UBE4B: variants seen among roughly 807,000 people sequenced by gnomAD.
UBE4B encodes ubiquitination factor E4B.
UBE4B carries 27 observed loss-of-function variants against 148.1 expected under a neutral mutation model. The observed-to-expected ratio is 0.18, with a 90% confidence interval of 0.13 to 0.25. The LOEUF is 0.25. Among genes scored for constraint, UBE4B ranks in the 10% least tolerant of loss-of-function variants. The pLI, the probability that UBE4B is intolerant of heterozygous loss-of-function variation, is 1.00. For missense variants in UBE4B, 1,170 were observed against 1,662.4 expected (o/e 0.70, Z 5.15); for synonymous variants, 596 against 619.3 (o/e 0.96, Z 0.56).
intron 21 of UBE4B, among the ~76,000 whole-genome samples, chr1:10,155,685 C>T (rs968683743): frequency 6.6e-6 from 1 of 152,224 alleles, no homozygotes; most frequent in Non-Finnish European, 1.5e-5. Context: ...GTATGTGGAA[C>T]AAGCTCCTCT....
Position 10,105,678 on chromosome 1 carries a change from G to T in UBE4B, c.743G>T (p.Gly248Val). 6.2e-7 allele frequency: 1 copy of T among 1,614,172 alleles called. No homozygotes were observed. The highest frequency in any genetic ancestry group is 8.5e-7 in the Non-Finnish European group (1 of 1,180,038). ...SPDRNLLLNT[G>V]SNPGTSPMFC... The stretch of plus-strand genomic sequence containing the variant: ...GACAGAAATCTCTTGCTAAACACTG[G>T]CTCCAATCCAGGAACAAGCCCCATG... Residue 248 changes from glycine to valine, a missense_variant, in exon 6 of 28, where the codon GGC becomes GTC. By Grantham distance (109) the Gly-to-Val change is moderately radical. Transcript: ENST00000343090.
chr1:10,076,603 A>C (rs769002464), intron 2 of UBE4B, among the ~76,000 whole-genome samples: 1 of 151,698 alleles, frequency 6.6e-6, no homozygotes, highest in African/African-American at 2.4e-5. Context: ...AAAGTCCTTC[A>C]TCCAGGAGTG....
At chr1:10,084,317 G>A (rs774680527) in intron 2 of UBE4B, among the ~76,000 whole-genome samples, 1 of 152,154 alleles carries the variant, frequency 6.6e-6, no homozygotes. Context: ...AGCCTTCCTC[G>A]TCTCCTTATT....
At chr1:10,110,413 T>G (rs1451770909) in intron 7 of UBE4B, among the ~76,000 whole-genome samples, 1 of 152,212 alleles carries the variant, frequency 6.6e-6, no homozygotes, top group Non-Finnish European at 1.5e-5. Flanking sequence ...AAAAGATAAC[T>G]GTTGGGTGGT....
At position 10,127,281 on chromosome 1, in the gene UBE4B, T is replaced by G. The variant is rs1437785685; in HGVS notation, c.1638+404T>G. 2.0e-5 allele frequency among the ~76,000 whole-genome samples: 3 copies of G among 152,180 alleles called. No individual in the cohort carries two copies. The East Asian group carries it at 5.8e-4, about 29-fold the overall frequency. ...TAAGAAAATGAATACAATTTTATCTTTATGTGTTTACTTTGTGCAGAAAAT... is the reference window on the plus strand; with the variant it reads ...TAAGAAAATGAATACAATTTTATCTGTATGTGTTTACTTTGTGCAGAAAAT... On this transcript the variant is annotated intron_variant, in intron 11 of 27. Coordinates refer to ENST00000343090, the MANE Select transcript of UBE4B (RefSeq NM_001105562.3).
intron 1 of UBE4B, among the ~76,000 whole-genome samples, chr1:10,038,028 C>T (rs1223340777): frequency 1.3e-5 from 2 of 152,054 alleles, no homozygotes; most frequent in Non-Finnish European, 2.9e-5. Context: ...CGCCTGTAAT[C>T]CCAGCGCTTT....
rs1646482568 is a variant in UBE4B, at chr1:10,179,947, CGA to C, written c.3901_3902del (p.Asp1301SerfsTer51). The C allele has an allele frequency of 6.2e-7, 1 of 1,614,104 alleles. No homozygotes were observed. The highest frequency in any genetic ancestry group is 1.3e-5 in the African/African-American group (1 of 75,030). ...QAWMREKQNS[D>X]H ...CGTGGATGAGAGAGAAACAGAACAG[CGA>C]TCACTAAACCGTTCCGCCGCCCACC... On this transcript the variant is annotated frameshift_variant, in exon 28 of 28. Transcript: ENST00000343090. LOFTEE classifies it high-confidence loss of function.
chr1:10,117,333 C>A, intron 7 of UBE4B, 126 bp from the exon 8 acceptor site: 1 of 1,218,922 alleles, frequency 8.2e-7, no homozygotes, highest in Non-Finnish European at 1.1e-6. Context: ...TGGATCTTGG[C>A]CGCATGGGTG....
intron 1 of UBE4B, among the ~76,000 whole-genome samples, chr1:10,045,669 G>A (rs866991850): frequency 1.8e-4 from 28 of 152,276 alleles, no homozygotes; most frequent in African/African-American, 6.5e-4. Flanking sequence ...TAGATAAGGA[G>A]GAAAGAGCAA....
chr1:10,122,543 T>C (rs1369070357), intron 10 of UBE4B, among the ~76,000 whole-genome samples: 1 of 152,230 alleles, frequency 6.6e-6, no homozygotes, highest in Admixed American at 6.5e-5. Context: ...ATGTCTCATA[T>C]CTTCCTAATT....
rs1289548666 is a variant in UBE4B, at chr1:10,093,667, G to A, written c.212-1794G>A. Among the ~76,000 whole-genome samples the A allele has an allele frequency of 3.3e-5, 5 of 151,888 alleles. No homozygotes were observed. The South Asian group carries it at 8.4e-4, about 25-fold the overall frequency. The stretch of plus-strand genomic sequence containing the variant: ...GTTTTCACTACAACGGGTAACTCAA[G>A]TTTCTCTGTTTTCTTTTTTCATACT... On this transcript the variant is annotated intron_variant, in intron 2 of 27. Coordinates refer to ENST00000343090, the MANE Select transcript of UBE4B (RefSeq NM_001105562.3).
At chr1:10,050,944 G>C (rs760854448) in intron 1 of UBE4B, among the ~76,000 whole-genome samples, 1 of 152,028 alleles carries the variant, frequency 6.6e-6, no homozygotes, top group African/African-American at 2.4e-5. Context: ...GTAGGCACTT[G>C]ATGAAAAAAG....
At chr1:10,129,481 CA>C (rs773704786) in intron 12 of UBE4B, 33 bp downstream of exon 12, 1 of 1,598,102 alleles carries the variant, frequency 6.3e-7, no homozygotes, top group South Asian at 1.1e-5. Flanking sequence ...TGCACATTTT[CA>C]GTGAATATAT....
At chr1:10,060,350 A>G (rs1644260639) in intron 1 of UBE4B, among the ~76,000 whole-genome samples, 1 of 152,186 alleles carries the variant, frequency 6.6e-6, no homozygotes, top group African/African-American at 2.4e-5. Context: ...ATGTAACTAT[A>G]CTGAATCCTG....
At chr1:10,105,474 C>A in intron 5 of UBE4B, 42 bp from the exon 6 acceptor site, 1 of 1,584,742 alleles carries the variant, frequency 6.3e-7, no homozygotes, top group South Asian at 1.1e-5. Flanking sequence ...AACCTGTGTT[C>A]GAACTGTGTG....
At chr1:10,179,373 G>A in intron 26 of UBE4B, 43 bp from the exon 27 acceptor site, 1 of 1,590,550 alleles carries the variant, frequency 6.3e-7, no homozygotes, top group Admixed American at 1.7e-5. Context: ...TTTCAGTCGT[G>A]GGCTCTCAGT....
At position 10,071,977 on chromosome 1, in the gene UBE4B, T is replaced by C. The variant is rs770731606; in HGVS notation, c.25-51T>C. 13 of 1,484,110 alleles carry C rather than the reference T, an allele frequency of 8.8e-6. No individual in the cohort carries two copies. The South Asian group carries it at 1.6e-4, about 19-fold the overall frequency. The allele number at this position is 1,484,110 out of a possible 1,614,324, so 91.9% of individuals were successfully genotyped here. A position where few individuals can be genotyped will look rare whatever the true frequency, so the allele number is the denominator to read the frequency against. On this transcript the variant is annotated intron_variant, in intron 1 of 27. Transcript: ENST00000343090. ...TGAATAATGTCATTCTCTGGCAGAA[T>C]TGTGTTTCTGCTGATTAGTTATAGA...
intron 1 of UBE4B, among the ~76,000 whole-genome samples, chr1:10,066,433 A>AT (rs1011751155): frequency 5.9e-4 from 88 of 148,856 alleles, no homozygotes; most frequent in African/African-American, 1.8e-3. Context: ...CTGACCATGA[A>AT]TTTTTTTTTT....
At chr1:10,038,745 T>A (rs1450785785) in intron 1 of UBE4B, among the ~76,000 whole-genome samples, 1 of 152,224 alleles carries the variant, frequency 6.6e-6, no homozygotes, top group African/African-American at 2.4e-5. Flanking sequence ...TGATCAGGGC[T>A]TTTGGTACTG....
Sources: gnomAD v4.1 joint callset for allele counts (sites outside exome capture counted in the v4.1 genomes callset) on GRCh38, gnomAD v4.1.1 for gene constraint, MANE v1.5 for transcripts, NCBI Gene and HGNC (gene_info 2026-07-23, HGNC 2026-07-21) for gene names.